Variants in FANCL observed in about 807,000 individuals in gnomAD.
FANCL encodes the protein E3 ubiquitin-protein ligase FANCL.
FANCL carries 69 observed loss-of-function variants against 59.4 expected under a neutral mutation model. That is an observed-to-expected ratio of 1.16 (90% CI 0.96 to 1.42). The LOEUF (loss-of-function observed/expected upper bound fraction) is 1.42, where lower values mean the gene tolerates loss of function less well. FANCL is among the 40% of genes most tolerant of loss of function. The pLI is 0.00. For missense variants in FANCL, 519 were observed against 447.2 expected (o/e 1.16, Z -1.45); for synonymous variants, 180 against 147.1 (o/e 1.22, Z -1.62).
At chr2:58,201,483 T>C (rs1690020153) in intron 6 of FANCL, among the ~76,000 whole-genome samples, 1 of 152,008 alleles carries the variant, frequency 6.6e-6, no homozygotes, top group Non-Finnish European at 1.5e-5. Flanking sequence ...GTCTGTTCTG[T>C]GACTAGACTA....
At chr2:58,235,083 T>C (rs1467589395) in intron 1 of FANCL, among the ~76,000 whole-genome samples, 1 of 151,924 alleles carries the variant, frequency 6.6e-6, no homozygotes, top group East Asian at 1.9e-4. Context: ...ATATTCTCCC[T>C]GATGTGAGAA....
In FANCL at chr2:58,177,172, C is replaced by T. The variant is rs1573586532; in HGVS notation, c.541-11298G>A. On this transcript the variant is annotated intron_variant, in intron 7 of 13. Transcript: ENST00000233741. ...ATGTGGAGAAATAGGAACACTTTTA[C>T]ACTGTTGGTGGGACTGTAAACTAGT... Among the ~76,000 whole-genome samples the T allele has an allele frequency of 6.6e-5, 10 of 152,290 alleles. No individual in the cohort carries two copies. The South Asian group carries it at 2.1e-3, about 32-fold the overall frequency.
At chr2:58,190,832 T>C (rs1271809589) in intron 7 of FANCL, among the ~76,000 whole-genome samples, 1 of 151,902 alleles carries the variant, frequency 6.6e-6, no homozygotes, top group Non-Finnish European at 1.5e-5. Flanking sequence ...ATTCTATATC[T>C]ATCTAATAAA....
chr2:58,166,010 G>A (rs1300824700), intron 7 of FANCL, 136 bp from the exon 8 acceptor site: 17 of 787,568 alleles, frequency 2.2e-5, no homozygotes, highest in Non-Finnish European at 6.3e-6. Context: ...GTAAACAGTA[G>A]TCGACTCTCC....
rs1403926280 is a variant in FANCL, at chr2:58,161,558, C to T, written c.984G>A (p.Gln328=). Residue 328 remains glutamine, a synonymous_variant, in exon 12 of 14, where the codon CAG becomes CAA. Coordinates refer to ENST00000233741, the MANE Select transcript of FANCL (RefSeq NM_018062.4). ...ATATTTGATGGAAAGGTTGTCCACACTGAGAATTATCACACACTTGATCAG... is the reference window on the plus strand; with the variant it reads ...ATATTTGATGGAAAGGTTGTCCACATTGAGAATTATCACACACTTGATCAG... The part of the protein sequence containing the change: ...TIPDQVCDNS[Q]CGQPFHQICL... 5.6e-6 allele frequency: 9 copies of T among 1,611,120 alleles called. No homozygotes were observed. Among genetic ancestry groups the T allele is most frequent in the Non-Finnish European group, 7.6e-6 (9 of 1,177,662 alleles).
intron 7 of FANCL, among the ~76,000 whole-genome samples, chr2:58,187,013 C>G (rs1688467177): frequency 6.6e-6 from 1 of 152,042 alleles, no homozygotes; most frequent in Non-Finnish European, 1.5e-5. Context: ...GTGGCGATTC[C>G]TCAAGAATCT....
intron 7 of FANCL, among the ~76,000 whole-genome samples, chr2:58,178,431 G>A (rs1410393701): frequency 2.0e-5 from 3 of 151,996 alleles, no homozygotes; most frequent in Non-Finnish European, 4.4e-5. Context: ...TTCAACATAA[G>A]CAAATCAATA....
intron 4 of FANCL, 133 bp downstream of exon 4, chr2:58,226,595 C>G: frequency 1.4e-6 from 1 of 711,616 alleles, no homozygotes; most frequent in Non-Finnish European, 2.5e-6. Context: ...TTTATGTACA[C>G]AGTAAAAGAA....
At chr2:58,216,555 T>C (rs1322518976) in intron 5 of FANCL, among the ~76,000 whole-genome samples, 1 of 152,142 alleles carries the variant, frequency 6.6e-6, no homozygotes, top group Non-Finnish European at 1.5e-5. Context: ...AGAGACAAGA[T>C]TTAAGATTTT....
At chr2:58,202,425 T>C (rs561198934) in intron 6 of FANCL, among the ~76,000 whole-genome samples, 2 of 151,634 alleles carry the variant, frequency 1.3e-5, no homozygotes, top group East Asian at 3.9e-4. Context: ...ACAGCTATGG[T>C]GTATATATGA....
chr2:58,196,708 A>T (rs1277614122), intron 7 of FANCL, among the ~76,000 whole-genome samples: 1 of 152,034 alleles, frequency 6.6e-6, no homozygotes, highest in African/African-American at 2.4e-5. Flanking sequence ...TTTTCATGGC[A>T]TTGCAAACTT....
intron 7 of FANCL, among the ~76,000 whole-genome samples, chr2:58,167,478 G>A (rs575285333): frequency 2.0e-5 from 3 of 152,250 alleles, no homozygotes; most frequent in African/African-American, 7.2e-5. Flanking sequence ...GTATACCCAA[G>A]ATAAGGTTAA....
At chr2:58,202,952 G>A (rs1372250821) in intron 6 of FANCL, among the ~76,000 whole-genome samples, 7 of 150,036 alleles carry the variant, frequency 4.7e-5, no homozygotes, top group African/African-American at 1.5e-4. Context: ...AACAAATAGA[G>A]CTTTGAAGGA....
intron 7 of FANCL, among the ~76,000 whole-genome samples, chr2:58,179,434 A>G (rs968113705): frequency 2.6e-5 from 4 of 152,128 alleles, no homozygotes; most frequent in Non-Finnish European, 5.9e-5. Context: ...AACGCCACAC[A>G]TCTACAACCA....
intron 4 of FANCL, 139 bp downstream of exon 4, chr2:58,226,589 T>C (rs958537679): frequency 1.4e-6 from 1 of 695,508 alleles, no homozygotes; most frequent in South Asian, 1.7e-5. Flanking sequence ...TCTATATTTA[T>C]GTACACAGTA....
chr2:58,169,504 G>A (rs1011570458), intron 7 of FANCL, among the ~76,000 whole-genome samples: 1 of 151,970 alleles, frequency 6.6e-6, no homozygotes, highest in Admixed American at 6.6e-5. Context: ...TTCTCCAACG[G>A]ATCACAACTC....
At chr2:58,235,192 G>C (rs1372978320) in intron 1 of FANCL, among the ~76,000 whole-genome samples, 1 of 151,926 alleles carries the variant, frequency 6.6e-6, no homozygotes, top group African/African-American at 2.4e-5. Context: ...TATACACAGA[G>C]AAACGCCAGC....
At chr2:58,208,541 T>C (rs1301608260) in intron 5 of FANCL, among the ~76,000 whole-genome samples, 2 of 152,182 alleles carry the variant, frequency 1.3e-5, no homozygotes, top group Non-Finnish European at 2.9e-5. Flanking sequence ...AATACTGCAC[T>C]TATATTGACC....
intron 1 of FANCL, among the ~76,000 whole-genome samples, chr2:58,235,654 A>C (rs1464625104): frequency 6.6e-6 from 1 of 152,140 alleles, no homozygotes; most frequent in African/African-American, 2.4e-5. Context: ...TCCTGCAAAG[A>C]AGCAAGGCAA....
Sources: allele counts gnomAD v4.1 joint callset (sites outside exome capture counted in the v4.1 genomes callset), GRCh38; gene constraint gnomAD v4.1.1; transcripts MANE v1.5; gene names NCBI Gene and HGNC (gene_info 2026-07-23, HGNC 2026-07-21).